Variants in CDH15 observed in about 807,000 individuals in gnomAD.
CDH15 encodes the protein cadherin 15, also known as cadherin-15.
In CDH15, 73 loss-of-function variants were observed where a neutral mutation model predicts 69.4. The ratio of observed to expected loss-of-function variants is 1.05; its 90% CI spans 0.87 to 1.28. The LOEUF (loss-of-function observed/expected upper bound fraction) is 1.28. CDH15 is among the 50% of genes most tolerant of loss of function. CDH15 has a pLI of 0.00. For synonymous variants in CDH15, 624 were observed against 507.7 expected (o/e 1.23, Z -3.08); for missense variants, 1,343 against 1,133.6 (o/e 1.18, Z -2.65).
chr16:89,184,641 T>TG (rs1192863953), intron 4 of CDH15, among the ~76,000 whole-genome samples: 1 of 151,860 alleles, frequency 6.6e-6, no homozygotes, highest in Non-Finnish European at 1.5e-5. Flanking sequence ...TGTCTTATCC[T>TG]GTCCGTGCGT....
intron 7 of CDH15, among the ~76,000 whole-genome samples, chr16:89,189,884 C>G (rs979428525): frequency 6.6e-6 from 1 of 152,348 alleles, no homozygotes; most frequent in Admixed American, 6.5e-5. Context: ...CAGTTTTGCT[C>G]TCAAAGCCTT....
intron 5 of CDH15, chr16:89,186,100 G>C: frequency 6.9e-6 from 1 of 145,954 alleles, no homozygotes; most frequent in Non-Finnish European, 1.5e-5. Context: ...GCGCACAGTA[G>C]GTGCTCTGTA....
intron 5 of CDH15, chr16:89,186,031 G>A (rs1028764473): frequency 8.5e-5 from 13 of 152,560 alleles, no homozygotes; most frequent in Admixed American, 5.8e-4. Context: ...CTTACCCAGC[G>A]CACAGTAGGT....
intron 1 of CDH15, among the ~76,000 whole-genome samples, chr16:89,174,165 C>T (rs1220319960): frequency 1.3e-5 from 2 of 152,228 alleles, no homozygotes; most frequent in Non-Finnish European, 2.9e-5. Flanking sequence ...CACATCCCTT[C>T]TCTGAAGCCC....
intron 3 of CDH15, among the ~76,000 whole-genome samples, chr16:89,181,219 G>A (rs1229612951): frequency 6.6e-6 from 1 of 152,126 alleles, no homozygotes; most frequent in African/African-American, 2.4e-5. Flanking sequence ...ACCACACCTG[G>A]CCCCAAAATA....
Position 89,183,691 on chromosome 16 carries a change from A to T in CDH15, c.501A>T (p.Pro167=). The change falls in exon 4 of 14, where the codon CCA becomes CCT. Residue 167 remains proline, a splice_region_variant and synonymous_variant. Transcript: ENST00000289746. ...GCCGCGTGCTGGAGGGTGCAGTCCC[A>T]GGTGAGACAGGACCACAGCCCCGGG... ...FTGRVLEGAV[P]GTYVTRAEAT... is the part of the protein sequence containing the mutation. 1 of 1,598,158 alleles carries T rather than the reference A, an allele frequency of 6.3e-7. No homozygotes were observed. The highest frequency in any genetic ancestry group is 1.7e-5 in the Admixed American group (1 of 57,426).
In CDH15 at chr16:89,179,503, C is replaced by A. The variant is rs376583874; in HGVS notation, c.130C>A (p.Arg44=). 1.2e-6 allele frequency: 2 copies of A among 1,613,164 alleles called. No individual in the cohort carries two copies. The highest frequency in any genetic ancestry group is 1.7e-6 in the Non-Finnish European group (2 of 1,179,810). The change falls in exon 2 of 14, where the codon CGG becomes AGG. Residue 44 remains arginine, a synonymous_variant. Coordinates refer to ENST00000289746, the MANE Select transcript of CDH15 (RefSeq NM_004933.3). ...WRRAPALSRV[R]RAWVIPPISV... is the part of the protein sequence containing the mutation. Reference sequence around the variant, plus strand: ...CCGGGCGCCTGCCCTGAGCCGCGTGCGGAGGGCCTGGGTCATCCCCCCGAT... The same window carrying A: ...CCGGGCGCCTGCCCTGAGCCGCGTGAGGAGGGCCTGGGTCATCCCCCCGAT...
At chr16:89,179,696 G>A in intron 2 of CDH15, 122 bp downstream of exon 2, 1 of 1,009,376 alleles carries the variant, frequency 9.9e-7, no homozygotes, top group Non-Finnish European at 1.4e-6. Flanking sequence ...AGCTGAGGCA[G>A]GACTCGCCCA....
chr16:89,185,582 C>G (rs921448311), intron 5 of CDH15: 1 of 571,140 alleles, frequency 1.8e-6, no homozygotes, highest in Non-Finnish European at 3.2e-6. Context: ...CAGGGCAGGG[C>G]TCCCCAAGCA....
rs762191619 is a variant in CDH15, at chr16:89,191,815, C to A, written c.1536C>A (p.Pro512=). ...GCGCCACGGATGAGGACCTGCCCCC[C>A]CACGGGGCCCCCTTCCACTTCCAGC... is the stretch of plus-strand genomic sequence containing the variant. ...LLGATDEDLP[P]HGAPFHFQLS... The change falls in exon 10 of 14, where the codon CCC becomes CCA. Residue 512 remains proline, a synonymous_variant. Transcript: ENST00000289746. The A allele has an allele frequency of 6.9e-6, 11 of 1,604,634 alleles. No homozygotes were observed. Among genetic ancestry groups the A allele is most frequent in the Admixed American group, 5.0e-5 (3 of 59,876 alleles).
At position 89,187,378 on chromosome 16, in the gene CDH15, A is replaced by T. The variant is rs371550930; in HGVS notation, c.664-51A>T. On this transcript the variant is annotated intron_variant, in intron 5 of 13. Coordinates refer to ENST00000289746, the MANE Select transcript of CDH15 (RefSeq NM_004933.3). ...TGGCTCCCACCCCTGACCAGTCCCC[A>T]TGTGCCCCACCTGGGCCCTCATCTT... The T allele has an allele frequency of 4.1e-5, 66 of 1,607,714 alleles. 1 individual carries two copies. In the African/African-American group the frequency reaches 7.2e-4, roughly 18 times the overall value.
At position 89,191,450 on chromosome 16, in the gene CDH15, C is replaced by T; in HGVS notation, c.1353C>T (p.Ala451=). 1.2e-6 allele frequency: 2 copies of T among 1,612,656 alleles called. No homozygotes were observed. The highest frequency in any genetic ancestry group is 1.7e-6 in the Non-Finnish European group (2 of 1,179,968). Residue 451 remains alanine (A), a synonymous_variant, in exon 9 of 14, where the codon GCC becomes GCT. Coordinates refer to ENST00000289746, the MANE Select transcript of CDH15 (RefSeq NM_004933.3). ...TCCTCAAGGGCGGCTGGTACAGAGC[C>T]ATCGTCCTGGCCCAGGATGACGGTG... ...SPFLKGGWYR[A]IVLAQDDASQ...
At position 89,184,440 on chromosome 16, in the gene CDH15, G is replaced by C. The variant is rs1259209062; in HGVS notation, c.503-733G>C. Among the ~76,000 whole-genome samples, 3 of 152,168 alleles carry C rather than the reference G, an allele frequency of 2.0e-5. No individual in the cohort carries two copies. The East Asian group carries it at 5.8e-4, about 29-fold the overall frequency. ...GGCCTAAATCTCAGGAGAGGGAAATGGGGGGAGGTGAAACCTGGTCCTGCC... is the reference window on the plus strand; with the variant it reads ...GGCCTAAATCTCAGGAGAGGGAAATCGGGGGAGGTGAAACCTGGTCCTGCC... On this transcript the variant is annotated intron_variant, in intron 4 of 13. Coordinates refer to ENST00000289746, the MANE Select transcript of CDH15 (RefSeq NM_004933.3).
chr16:89,194,928 G>A lies in CDH15; in HGVS notation c.2218G>A (p.Glu740Lys), dbSNP rs139669848. Reference sequence around the variant, plus strand: ...CGACACAGCCCTCATCTATGACTACGAGGGTGACGGCTCGGTGGCGGGGAC... The same window carrying A: ...CGACACAGCCCTCATCTATGACTACAAGGGTGACGGCTCGGTGGCGGGGAC... ...PYDTALIYDY[E>K]GDGSVAGTLS... The change falls in exon 14 of 14, where the codon GAG becomes AAG. Residue 740 changes from glutamate to lysine, a missense_variant. By Grantham distance (56) the Glu-to-Lys change is moderately conservative. Transcript: ENST00000289746. The A allele has an allele frequency of 4.8e-5, 77 of 1,608,600 alleles. No individual in the cohort carries two copies. Among genetic ancestry groups the A allele is most frequent in the African/African-American group, 1.7e-4 (13 of 74,878 alleles).
intron 1 of CDH15, among the ~76,000 whole-genome samples, chr16:89,178,563 C>T (rs1915306245): frequency 6.6e-6 from 1 of 151,946 alleles, no homozygotes; most frequent in Non-Finnish European, 1.5e-5. Context: ...CCACCCCACC[C>T]AGCCCCACCG....
chr16:89,180,418 T>A, intron 3 of CDH15, 63 bp downstream of exon 3: 1 of 1,548,642 alleles, frequency 6.5e-7, no homozygotes, highest in South Asian at 1.2e-5. Context: ...CCAGTGCCCC[T>A]CCTCCCCACC....
intron 1 of CDH15, among the ~76,000 whole-genome samples, chr16:89,173,502 G>C (rs1466896298): frequency 6.6e-6 from 1 of 152,184 alleles, no homozygotes; most frequent in East Asian, 1.9e-4. Context: ...ACAGCTGGAG[G>C]CTGGGGGAGG....
At position 89,192,247 on chromosome 16, in the gene CDH15, G is replaced by C. The variant is rs1203528761; in HGVS notation, c.1658G>C (p.Gly553Ala). 6.5e-7 allele frequency: 1 copy of C among 1,530,466 alleles called. No individual in the cohort carries two copies. Among genetic ancestry groups the C allele is most frequent in the Middle Eastern group, 2.3e-4 (1 of 4,380 alleles). The allele number at this position is 1,530,466 out of a possible 1,614,324, so 94.8% of individuals were successfully genotyped here. A position where few individuals can be genotyped will look rare whatever the true frequency, so the allele number is the denominator to read the frequency against. Reference sequence around the variant, plus strand: ...CGGCCGCGACACCAGGTCCCCGAAGGCCTGCACCGCCTCAGCCTGCTGCTC... The same window carrying C: ...CGGCCGCGACACCAGGTCCCCGAAGCCCTGCACCGCCTCAGCCTGCTGCTC... Reference protein sequence around the residue: ...RLRPRHQVPEGLHRLSLLLRD... With the variant: ...RLRPRHQVPEALHRLSLLLRD... The change falls in exon 11 of 14, where the codon GGC becomes GCC. Residue 553 changes from glycine (G) to alanine (A), a missense_variant. Physicochemically the swap from Gly to Ala is moderately conservative, Grantham distance 60. Transcript: ENST00000289746.
intron 6 of CDH15, 76 bp from the exon 7 acceptor site, chr16:89,188,024 G>GCTGAGGGCC (rs1915528315): frequency 1.5e-6 from 2 of 1,309,342 alleles, no homozygotes; most frequent in Non-Finnish European, 2.1e-6. Context: ...GGGAGGGTGG[G>GCTGAGGGCC]CTGAGGGCCC....
Sources: gnomAD v4.1 joint callset for allele counts (sites outside exome capture counted in the v4.1 genomes callset) on GRCh38, gnomAD v4.1.1 for gene constraint, MANE v1.5 for transcripts, NCBI Gene and HGNC (gene_info 2026-07-23, HGNC 2026-07-21) for gene names.